Variants in PCCB observed in about 807,000 individuals in gnomAD.
PCCB encodes the protein propionyl-CoA carboxylase subunit beta.
PCCB carries 43 observed loss-of-function variants against 60.7 expected under a neutral mutation model. The ratio of observed to expected loss-of-function variants is 0.71; its 90% confidence interval spans 0.55 to 0.91. PCCB has a LOEUF of 0.91. Ranked by LOEUF, PCCB falls within the 40% of genes least tolerant of loss-of-function variation. The probability of loss-of-function intolerance (pLI) is 0.00; values close to 1 mark genes in which losing one functional copy is unlikely to be tolerated. For synonymous variants in PCCB, 276 were observed against 255.9 expected (o/e 1.08, Z -0.75); for missense variants, 766 against 702.8 (o/e 1.09, Z -1.02).
intron 5 of PCCB, among the ~76,000 whole-genome samples, chr3:136,271,427 A>C (rs190371627): frequency 3.3e-5 from 5 of 152,280 alleles, no homozygotes; most frequent in Admixed American, 3.3e-4. Context: ...AATTGCATTG[A>C]ATCTGTAGAT....
At chr3:136,292,370 C>T (rs1480690233) in intron 6 of PCCB, among the ~76,000 whole-genome samples, 1 of 151,864 alleles carries the variant, frequency 6.6e-6, no homozygotes, top group Admixed American at 6.6e-5. Flanking sequence ...AGATAAAAGA[C>T]TGATATAATG....
intron 10 of PCCB, among the ~76,000 whole-genome samples, chr3:136,325,901 C>A (rs1032532475): frequency 1.3e-5 from 2 of 152,050 alleles, no homozygotes; most frequent in Admixed American, 1.3e-4. Flanking sequence ...GCAAGCTCCG[C>A]CTCCCGGGTT....
intron 6 of PCCB, among the ~76,000 whole-genome samples, chr3:136,285,260 G>A (rs1933345879): frequency 6.6e-6 from 1 of 151,910 alleles, no homozygotes; most frequent in African/African-American, 2.4e-5. Flanking sequence ...AATTCCTCTG[G>A]CTAGAGCCAT....
chr3:136,278,833 T>C (rs1942399987), intron 5 of PCCB, among the ~76,000 whole-genome samples: 2 of 152,222 alleles, frequency 1.3e-5, no homozygotes, highest in South Asian at 2.1e-4. Context: ...TCAAGTGTAC[T>C]GTTAACTTAC....
chr3:136,251,617 A>C (rs1482377963), intron 1 of PCCB, among the ~76,000 whole-genome samples: 2 of 152,068 alleles, frequency 1.3e-5, no homozygotes, highest in Non-Finnish European at 2.9e-5. Context: ...TGGTGCTAGG[A>C]GTGCTTTCTC....
rs1272545752 is a variant in PCCB, at chr3:136,282,480, G to A, written c.544-1357G>A. Among the ~76,000 whole-genome samples, 3 of 151,988 alleles carry A rather than the reference G, an allele frequency of 2.0e-5. No individual in the cohort carries two copies. The East Asian group carries it at 5.8e-4, about 29-fold the overall frequency. On this transcript the variant is annotated intron_variant, in intron 5 of 14. Coordinates refer to ENST00000251654, the MANE Select transcript of PCCB (RefSeq NM_000532.5). ...TGTATTTTTTGAGTTATTTTTAGTA[G>A]TTGCTCTAAGGGTTACTATATATCT...
chr3:136,324,912 A>T (rs1935247863), intron 10 of PCCB, among the ~76,000 whole-genome samples: 1 of 152,164 alleles, frequency 6.6e-6, no homozygotes, highest in African/African-American at 2.4e-5. Flanking sequence ...TATTTTTTTG[A>T]GACAGAGTCT....
intron 5 of PCCB, among the ~76,000 whole-genome samples, chr3:136,270,574 C>T (rs554588689): frequency 3.9e-5 from 6 of 152,228 alleles, no homozygotes; most frequent in East Asian, 3.9e-4. Flanking sequence ...GGCGCGATCT[C>T]GGCTCACTGC....
At chr3:136,261,697 A>G (rs1334328480) in intron 4 of PCCB, among the ~76,000 whole-genome samples, 1 of 152,136 alleles carries the variant, frequency 6.6e-6, no homozygotes, top group Non-Finnish European at 1.5e-5. Context: ...GGTTGCCATG[A>G]GTTGTTTTAT....
intron 5 of PCCB, among the ~76,000 whole-genome samples, chr3:136,278,631 A>G (rs1009233066): frequency 6.6e-6 from 1 of 152,146 alleles, no homozygotes; most frequent in African/African-American, 2.4e-5. Context: ...ATTGAATTAT[A>G]GTTTTATTCC....
At chr3:136,280,413 C>T (rs778952947) in intron 5 of PCCB, among the ~76,000 whole-genome samples, 11 of 152,176 alleles carry the variant, frequency 7.2e-5, no homozygotes, top group Non-Finnish European at 8.8e-5. Flanking sequence ...GTGGTGCGAT[C>T]TTGGCGCACA....
intron 6 of PCCB, among the ~76,000 whole-genome samples, chr3:136,286,657 A>G (rs188645929): frequency 1.1e-4 from 16 of 152,246 alleles, no homozygotes; most frequent in Middle Eastern, 3.4e-3. Context: ...TAGCACGACT[A>G]CTTACTTCTT....
At chr3:136,303,856 G>A (rs1319375790) in intron 9 of PCCB, among the ~76,000 whole-genome samples, 1 of 122,482 alleles carries the variant, frequency 8.2e-6, no homozygotes, top group Non-Finnish European at 1.8e-5. Flanking sequence ...CACCTGCCTT[G>A]GCCCCACAAA....
intron 9 of PCCB, among the ~76,000 whole-genome samples, chr3:136,311,956 A>C (rs545908198): frequency 6.6e-6 from 1 of 152,348 alleles, no homozygotes; most frequent in East Asian, 1.9e-4. Flanking sequence ...TTTATACAAA[A>C]GTGCACATGG....
At chr3:136,286,340 T>C (rs1560011815) in intron 6 of PCCB, among the ~76,000 whole-genome samples, 1 of 152,262 alleles carries the variant, frequency 6.6e-6, no homozygotes, top group Non-Finnish European at 1.5e-5. Context: ...CTTTAAATAC[T>C]GATCCGTATG....
rs187137629 is a variant in PCCB at position 136,295,329 on chromosome 3, T to C, written c.763+1465T>C. On this transcript the variant is annotated intron_variant, in intron 7 of 14. Coordinates refer to ENST00000251654, the MANE Select transcript of PCCB (RefSeq NM_000532.5). ...GTGTCTTATCAGTGAAGTCTTAGAT[T>C]AGATGAAATGTAGTTTTAAAAAAGT... Among the ~76,000 whole-genome samples, 571 of 152,312 alleles carry C rather than the reference T, an allele frequency of 3.7e-3. 2 individuals are homozygous for C. Among genetic ancestry groups the C allele is most frequent in the Non-Finnish European group, 6.1e-3 (413 of 68,020 alleles).
chr3:136,252,449 G>A (rs893837263), intron 1 of PCCB: 3 of 391,726 alleles, frequency 7.7e-6, no homozygotes, highest in African/African-American at 6.3e-5. Context: ...GTTTCACCAT[G>A]TTGGCCAGGC....
chr3:136,288,740 A>G (rs1933539320), intron 6 of PCCB, among the ~76,000 whole-genome samples: 1 of 152,070 alleles, frequency 6.6e-6, no homozygotes, highest in Non-Finnish European at 1.5e-5. Context: ...GCTGGGCTCA[A>G]GTGATCCTCC....
chr3:136,281,199 T>A (rs754213803), intron 5 of PCCB, among the ~76,000 whole-genome samples: 2 of 152,140 alleles, frequency 1.3e-5, no homozygotes, highest in Non-Finnish European at 2.9e-5. Flanking sequence ...TCAGTCATTA[T>A]TTCTTCAAAT....
Sources: gnomAD v4.1 joint callset for allele counts (sites outside exome capture counted in the v4.1 genomes callset) on GRCh38, gnomAD v4.1.1 for gene constraint, MANE v1.5 for transcripts, NCBI Gene and HGNC (gene_info 2026-07-23, HGNC 2026-07-21) for gene names.